Variants in RABGAP1L observed in about 807,000 individuals in gnomAD.
The protein encoded by RABGAP1L is RAB GTPase activating protein 1 like, also known as rab GTPase-activating protein 1-like.
In RABGAP1L, 63 loss-of-function variants were observed where a neutral mutation model predicts 137.7. That is an observed-to-expected ratio of 0.46 (90% CI 0.37 to 0.56). RABGAP1L has a LOEUF of 0.56. Among genes scored for constraint, RABGAP1L ranks in the 20% least tolerant of loss-of-function variants. RABGAP1L has a pLI of 0.00. For synonymous variants in RABGAP1L, 431 were observed against 433.7 expected (o/e 0.99, Z 0.08); for missense variants, 1,095 against 1,244.0 (o/e 0.88, Z 1.80).
chr1:174,567,400 A>G (rs1667657997), intron 13 of RABGAP1L, among the ~76,000 whole-genome samples: 1 of 151,988 alleles, frequency 6.6e-6, no homozygotes, highest in Non-Finnish European at 1.5e-5. Context: ...TGTAGGTCAC[A>G]TTTGGGTTAG....
chr1:174,249,650 C>CTTTT (rs758531270), intron 5 of RABGAP1L, among the ~76,000 whole-genome samples: 6 of 124,484 alleles, frequency 4.8e-5, no homozygotes, highest in African/African-American at 5.9e-5. Flanking sequence ...TTCTTTCTTT[C>CTTTT]TTTTTTTTTT....
intron 3 of RABGAP1L, among the ~76,000 whole-genome samples, chr1:174,226,948 A>G (rs1670232532): frequency 6.6e-6 from 1 of 152,128 alleles, no homozygotes; most frequent in Non-Finnish European, 1.5e-5. Context: ...GTGGCTTGCA[A>G]AGTAAAATGG....
At chr1:174,356,520 T>G (rs1683653165) in intron 11 of RABGAP1L, among the ~76,000 whole-genome samples, 1 of 152,150 alleles carries the variant, frequency 6.6e-6, no homozygotes, top group Admixed American at 6.5e-5. Flanking sequence ...TTAATACTGA[T>G]TCTGAAAATT....
intron 13 of RABGAP1L, among the ~76,000 whole-genome samples, chr1:174,429,750 A>T (rs532985357): frequency 1.1e-4 from 16 of 151,888 alleles, no homozygotes; most frequent in East Asian, 7.7e-4. Context: ...AAAAAAAAAA[A>T]ATAAAAATAA....
chr1:174,604,392 T>G (rs1670630698), intron 13 of RABGAP1L, among the ~76,000 whole-genome samples: 1 of 152,202 alleles, frequency 6.6e-6, no homozygotes, highest in African/African-American at 2.4e-5. Flanking sequence ...ATACTGTCTC[T>G]CTGTGCCATG....
chr1:174,404,166 T>C (rs888096602), intron 13 of RABGAP1L, among the ~76,000 whole-genome samples: 3 of 152,170 alleles, frequency 2.0e-5, no homozygotes, highest in African/African-American at 7.2e-5. Flanking sequence ...ATACAAGTTA[T>C]AATAACTGTC....
Position 174,272,469 on chromosome 1 carries a change from T to G in RABGAP1L, c.1042T>G (p.Leu348Val). 1 of 1,595,068 alleles carries G rather than the reference T, an allele frequency of 6.3e-7. No homozygotes were observed. The highest frequency in any genetic ancestry group is 8.5e-7 in the Non-Finnish European group (1 of 1,172,914). The change falls in exon 8 of 26, where the codon TTA (leucine) becomes GTA (valine). Residue 348 changes from leucine to valine, a missense_variant. Physicochemically the swap from Leu to Val is conservative, Grantham distance 32. Transcript: ENST00000681986. ...AAACGTGAAGAACAGTGACATGCAT[T>G]TACTGGATATGGTAATGATAATCTT... ...GRNVKNSDMH[L>V]LDMESMGKSY...
chr1:174,702,306 C>T, intron 17 of RABGAP1L, 50 bp downstream of exon 17: 2 of 1,467,632 alleles, frequency 1.4e-6, no homozygotes, highest in South Asian at 2.7e-5. Flanking sequence ...GTAGTTTCTA[C>T]TAAAAATGGT....
At chr1:174,926,688 C>T (rs539334197) in intron 19 of RABGAP1L, among the ~76,000 whole-genome samples, 12 of 151,812 alleles carry the variant, frequency 7.9e-5, no homozygotes, top group South Asian at 6.2e-4. Context: ...TGACTACAAT[C>T]GTCTGTAAAA....
intron 1 of RABGAP1L, among the ~76,000 whole-genome samples, chr1:174,185,332 G>A (rs1356212156): frequency 1.3e-5 from 2 of 152,182 alleles, no homozygotes; most frequent in Non-Finnish European, 2.9e-5. Context: ...AAAAGTGTAG[G>A]CAGCTTGCTT....
chr1:174,665,725 A>G (rs1348599890), intron 14 of RABGAP1L, among the ~76,000 whole-genome samples: 1 of 152,344 alleles, frequency 6.6e-6, no homozygotes, highest in Non-Finnish European at 1.5e-5. Flanking sequence ...TTGGCCTCCC[A>G]AAGTGCTGGG....
At chr1:174,561,783 G>A (rs944934636) in intron 13 of RABGAP1L, among the ~76,000 whole-genome samples, 7 of 152,134 alleles carry the variant, frequency 4.6e-5, no homozygotes, top group Non-Finnish European at 7.3e-5. Context: ...AAATGGTGTT[G>A]GGAAAACTGG....
intron 13 of RABGAP1L, among the ~76,000 whole-genome samples, chr1:174,410,978 A>G (rs183879484): frequency 4.6e-5 from 7 of 152,150 alleles, no homozygotes; most frequent in Admixed American, 3.3e-4. Context: ...ATGTATTCCT[A>G]GGTATATTTT....
chr1:174,778,602 AT>A (rs34780076), intron 18 of RABGAP1L, among the ~76,000 whole-genome samples: 21 of 147,756 alleles, frequency 1.4e-4, no homozygotes, highest in East Asian at 2.0e-4. Flanking sequence ...AACCTTCTGC[AT>A]TTTTTTTTTA....
chr1:174,713,087 C>T (rs1016757713), intron 17 of RABGAP1L, among the ~76,000 whole-genome samples: 1 of 152,182 alleles, frequency 6.6e-6, no homozygotes, highest in Non-Finnish European at 1.5e-5. Context: ...CCCTTCTGCT[C>T]CCAGCACTTC....
chr1:174,477,301 T>A (rs1394316218), intron 13 of RABGAP1L, among the ~76,000 whole-genome samples: 1 of 152,206 alleles, frequency 6.6e-6, no homozygotes, highest in Non-Finnish European at 1.5e-5. Flanking sequence ...CATAAGCAAA[T>A]AACCTTCACT....
intron 11 of RABGAP1L, among the ~76,000 whole-genome samples, chr1:174,324,128 T>G (rs1167348306): frequency 6.6e-6 from 1 of 152,186 alleles, no homozygotes; most frequent in African/African-American, 2.4e-5. Flanking sequence ...AAGTCATTTT[T>G]TTTTAGTCTT....
intron 18 of RABGAP1L, among the ~76,000 whole-genome samples, chr1:174,774,659 C>T (rs1463852519): frequency 6.6e-6 from 1 of 151,842 alleles, no homozygotes; most frequent in East Asian, 1.9e-4. Flanking sequence ...GCAAGCGGAT[C>T]GCTTGAGTCT....
intron 13 of RABGAP1L, among the ~76,000 whole-genome samples, chr1:174,627,924 A>T (rs904202472): frequency 2.0e-5 from 3 of 152,100 alleles, no homozygotes; most frequent in African/African-American, 2.4e-5. Flanking sequence ...GGAGGCATAT[A>T]CTTGTGATAG....
Sources: allele counts gnomAD v4.1 joint callset (sites outside exome capture counted in the v4.1 genomes callset), GRCh38; gene constraint gnomAD v4.1.1; transcripts MANE v1.5; gene names NCBI Gene and HGNC (gene_info 2026-07-23, HGNC 2026-07-21).